The following USP32 variants were observed in gnomAD, a reference collection of about 807,000 sequenced individuals.
USP32 encodes the protein ubiquitin carboxyl-terminal hydrolase 32.
USP32 carries 59 observed loss-of-function variants against 204.8 expected under a neutral mutation model. The ratio of observed to expected loss-of-function variants is 0.29; its 90% CI spans 0.23 to 0.36. The LOEUF (loss-of-function observed/expected upper bound fraction) is 0.36. Ranked by LOEUF, USP32 falls within the 10% of genes least tolerant of loss-of-function variation. The pLI is 1.00. For synonymous variants in USP32, 517 were observed against 678.4 expected (o/e 0.76, Z 3.70); for missense variants, 1,160 against 1,946.4 (o/e 0.60, Z 7.60).
At chr17:60,402,465 G>C (rs556449295) in intron 1 of USP32, among the ~76,000 whole-genome samples, 48 of 151,976 alleles carry the variant, frequency 3.2e-4, no homozygotes, top group Non-Finnish European at 6.8e-4. Flanking sequence ...TGCCCAGACT[G>C]GTCTTGAACT....
At position 60,296,403 on chromosome 17, in the gene USP32, A is replaced by G. The variant is rs552148254; in HGVS notation, c.293-1602T>C. Among the ~76,000 whole-genome samples, 20 of 152,276 alleles carry G rather than the reference A, an allele frequency of 1.3e-4. No individual in the cohort carries two copies. The Middle Eastern group carries it at 0.02, about 155-fold the overall frequency. ...AAAGCACAAACAGAAAAATAAAGCC[A>G]TGTGTAAGAAAGGCAGGGATTAGAA... On this transcript the variant is annotated intron_variant, in intron 3 of 33. Transcript: ENST00000300896.
chr17:60,202,045 G>C (rs185816909), intron 26 of USP32, among the ~76,000 whole-genome samples: 64 of 152,218 alleles, frequency 4.2e-4, no homozygotes, highest in Middle Eastern at 3.4e-3. Flanking sequence ...TCTTCCAAGG[G>C]CTGTTTCATT....
At chr17:60,401,314 G>A (rs1370286845) in intron 1 of USP32, among the ~76,000 whole-genome samples, 1 of 152,184 alleles carries the variant, frequency 6.6e-6, no homozygotes, top group Non-Finnish European at 1.5e-5. Context: ...AGCTTGCAGT[G>A]AGCCGAGATC....
At chr17:60,382,131 C>T (rs1043213813) in intron 1 of USP32, among the ~76,000 whole-genome samples, 4 of 152,228 alleles carry the variant, frequency 2.6e-5, no homozygotes, top group East Asian at 1.9e-4. Context: ...ATAAGCTCAC[C>T]GGCAAACTGC....
intron 1 of USP32, among the ~76,000 whole-genome samples, chr17:60,398,251 C>G (rs1598316837): frequency 6.6e-6 from 1 of 152,192 alleles, no homozygotes; most frequent in East Asian, 1.9e-4. Flanking sequence ...TAAAAATTAG[C>G]TAGGCACAGT....
At chr17:60,255,674 G>T (rs2086283603) in intron 9 of USP32, among the ~76,000 whole-genome samples, 2 of 152,156 alleles carry the variant, frequency 1.3e-5, no homozygotes, top group Admixed American at 1.3e-4. Context: ...ACTAGTTCAA[G>T]TTCGTTCCTG....
intron 12 of USP32, chr17:60,231,792 T>C (rs2085558618): frequency 4.4e-6 from 1 of 225,968 alleles, no homozygotes; most frequent in Admixed American, 4.5e-5. Flanking sequence ...TAGAAAAGAT[T>C]TCACCATTCT....
At chr17:60,200,643 T>C (rs1031071291) in intron 26 of USP32, among the ~76,000 whole-genome samples, 11 of 152,018 alleles carry the variant, frequency 7.2e-5, no homozygotes, top group South Asian at 2.1e-4. Context: ...AAACAGAATA[T>C]AGCGAACACT....
chr17:60,383,235 CA>C (rs11300967), intron 1 of USP32, among the ~76,000 whole-genome samples: 22,687 of 74,016 alleles, frequency 0.31, 4,322 homozygotes, highest in African/African-American at 0.61. Context: ...GACATCGTCC[CA>C]AAAAAAAAAA....
At chr17:60,396,038 T>C (rs946067067), upstream of USP32, among the ~76,000 whole-genome samples, 1 of 151,926 alleles carries the variant, frequency 6.6e-6, no homozygotes, top group Non-Finnish European at 1.5e-5. Context: ...TCACGTGTAT[T>C]GTATTTTTAT....
At chr17:60,406,146 G>A (rs1450373400) in intron 1 of USP32, among the ~76,000 whole-genome samples, 23 of 108,528 alleles carry the variant, frequency 2.1e-4, no homozygotes, top group Admixed American at 1.8e-3. Flanking sequence ...GACAGTGCAA[G>A]ACCTTGTCTC....
At chr17:60,286,685 A>T (rs147189913) in intron 5 of USP32, among the ~76,000 whole-genome samples, 28 of 152,344 alleles carry the variant, frequency 1.8e-4, no homozygotes, top group Middle Eastern at 3.4e-3. Context: ...GCCTAAAAGA[A>T]GATGTTTGAT....
chr17:60,422,410 G>A (rs57938009), exon 1 of USP32: 1 of 1,446,342 alleles, frequency 6.9e-7, no homozygotes, highest in Middle Eastern at 2.6e-4. Context: ...CCACCCCTAA[G>A]AATGAGGAAA....
At position 60,331,420 on chromosome 17, in the gene USP32, C is replaced by T. The variant is rs138554511; in HGVS notation, c.186+14061G>A. Reference sequence around the variant, plus strand: ...ATCTCTACAAAAAAATACAAGTTAGCCAGGCATAGTGGCATGCACTTGTAG... The same window carrying T: ...ATCTCTACAAAAAAATACAAGTTAGTCAGGCATAGTGGCATGCACTTGTAG... On this transcript the variant is annotated intron_variant, in intron 2 of 33. Transcript: ENST00000300896. Among the ~76,000 whole-genome samples, 49 of 151,124 alleles carry T rather than the reference C, an allele frequency of 3.2e-4. 1 individual carries two copies. In the East Asian group the frequency reaches 9.4e-3, roughly 29 times the overall value.
chr17:60,342,277 GC>G (rs1269080379), intron 2 of USP32, among the ~76,000 whole-genome samples: 1 of 152,138 alleles, frequency 6.6e-6, no homozygotes, highest in Admixed American at 6.5e-5. Context: ...AAATATTGCT[GC>G]CCGATCCTTC....
intron 12 of USP32, chr17:60,231,729 G>A (rs2085556420): frequency 2.7e-6 from 1 of 368,352 alleles, no homozygotes; most frequent in Non-Finnish European, 5.7e-6. Flanking sequence ...AGTAATAGCT[G>A]CTCCTTCATA....
chr17:60,413,876 G>GA (rs753405307), intron 1 of USP32, among the ~76,000 whole-genome samples: 2,599 of 95,150 alleles, frequency 0.027, 76 homozygotes, highest in African/African-American at 0.081. Context: ...AAAAAAAAAA[G>GA]AAAAAAAAAA....
At chr17:60,179,522 T>C in intron 33 of USP32, 94 bp from the exon 34 acceptor site, 2 of 1,488,560 alleles carry the variant, frequency 1.3e-6, no homozygotes, top group African/African-American at 1.4e-5. Context: ...CTGTAATTAC[T>C]AAACCTGATT....
intron 1 of USP32, among the ~76,000 whole-genome samples, chr17:60,398,301 T>G (rs1462063318): frequency 6.6e-6 from 1 of 152,242 alleles, no homozygotes; most frequent in Admixed American, 6.5e-5. Context: ...GAACCTGAGG[T>G]GGGAGGATCA....
Sources: gnomAD v4.1 joint callset for allele counts (sites outside exome capture counted in the v4.1 genomes callset) on GRCh38, gnomAD v4.1.1 for gene constraint, MANE v1.5 for transcripts, NCBI Gene and HGNC (gene_info 2026-07-23, HGNC 2026-07-21) for gene names.